The following JAKMIP3 variants were observed in gnomAD, a reference collection of about 807,000 sequenced individuals.
JAKMIP3 encodes the protein janus kinase and microtubule-interacting protein 3.
In JAKMIP3, 58 loss-of-function variants were observed where a neutral mutation model predicts 118.5. The observed-to-expected ratio is 0.49, with a 90% confidence interval of 0.40 to 0.61. The LOEUF (loss-of-function observed/expected upper bound fraction) is 0.61, where lower values mean the gene tolerates loss of function less well. Among genes scored for constraint, JAKMIP3 ranks in the 20% least tolerant of loss-of-function variants. The pLI, the probability that JAKMIP3 is intolerant of heterozygous loss-of-function variation, is 0.00. For synonymous variants in JAKMIP3, 486 were observed against 451.2 expected (o/e 1.08, Z -0.98); for missense variants, 950 against 1,109.0 (o/e 0.86, Z 2.04).
At chr10:132,154,821 C>A (rs56227733) in intron 19 of JAKMIP3, among the ~76,000 whole-genome samples, 20,172 of 121,406 alleles carry the variant, frequency 0.17, 1,531 homozygotes, top group South Asian at 0.27. Context: ...ATTGTGCTGG[C>A]AATGGCAATG....
intron 3 of JAKMIP3, among the ~76,000 whole-genome samples, chr10:132,119,261 C>T (rs1471478322): frequency 6.6e-6 from 1 of 152,084 alleles, no homozygotes; most frequent in Admixed American, 6.5e-5. Flanking sequence ...GTTCCCCGTT[C>T]TGTGGGTTAT....
intron 19 of JAKMIP3, among the ~76,000 whole-genome samples, chr10:132,155,141 ATGG>A (rs936058656): frequency 4.4e-5 from 6 of 137,562 alleles, no homozygotes; most frequent in Non-Finnish European, 9.5e-5. Flanking sequence ...TGGTGGTGAT[ATGG>A]TGGTGATGAT....
rs2061282471 is a variant in JAKMIP3 at position 132,180,772 on chromosome 10, T to TGTGC, written c.*1104-1582_*1104-1581insCGTG. Reference sequence around the variant, plus strand: ...GCGCGCGTGTGTGCGTGTGTGTGCGTGTGTGTGTGTGCGCGTATGCATGTG... The same window carrying TGTGC: ...GCGCGCGTGTGTGCGTGTGTGTGCGTGTGCGTGTGTGTGTGCGCGTATGCATGTG... On this transcript the variant is annotated intron_variant, in intron 23 of 23. Transcript: ENST00000684848. 1.6e-4 allele frequency among the ~76,000 whole-genome samples: 10 copies of TGTGC among 63,678 alleles called. 3 individuals carry two copies. The highest frequency in any genetic ancestry group is 2.9e-4 in the Non-Finnish European group (10 of 34,430). The allele number at this position is 63,678 out of a possible 152,430, so 41.8% of individuals were successfully genotyped here.
intron 1 of JAKMIP3, among the ~76,000 whole-genome samples, chr10:132,102,728 C>T (rs2045175698): frequency 6.6e-6 from 1 of 152,238 alleles, no homozygotes; most frequent in South Asian, 2.1e-4. Context: ...GTGGCCCTCC[C>T]ACCTGCCCGT....
intron 3 of JAKMIP3, among the ~76,000 whole-genome samples, chr10:132,132,546 G>A (rs887166186): frequency 6.9e-6 from 1 of 145,328 alleles, no homozygotes; most frequent in Non-Finnish European, 1.5e-5. Flanking sequence ...AAAGCGCCAC[G>A]TTGTAGGGAG....
chr10:132,127,721 GATGGGGTTATCCC>G (rs1026068309), intron 3 of JAKMIP3, among the ~76,000 whole-genome samples: 19 of 151,900 alleles, frequency 1.3e-4, no homozygotes, highest in African/African-American at 3.9e-4. Flanking sequence ...CCTTGCCTTG[GATGGGGTTATCCC>G]ATGGGGTTAT....
At chr10:132,145,051 G>C (rs2054330922) in intron 11 of JAKMIP3, 56 bp from the exon 12 acceptor site, 1 of 1,437,982 alleles carries the variant, frequency 7.0e-7, no homozygotes, top group Admixed American at 1.9e-5. Context: ...GAGTGTGTGT[G>C]CTGTCTGTCC....
In JAKMIP3 at chr10:132,117,464, G is replaced by A; in HGVS notation, c.523G>A (p.Val175Met). The stretch of plus-strand genomic sequence containing the variant: ...GCAGGTGGAGGAGGCGCTGACGCTG[G>A]TGATCCAAGCGGACAAGATCAAGGC... ...KRQVEEALTL[V>M]IQADKIKAAE... The change falls in exon 3 of 24, where the codon GTG (valine) becomes ATG (methionine). Residue 175 changes from valine to methionine, a missense_variant. By Grantham distance (21) the Val-to-Met change is conservative. Coordinates refer to ENST00000684848, the MANE Select transcript of JAKMIP3 (RefSeq NM_001323087.2). The surrounding 1 kb of genome is among the most constrained non-coding windows in gnomAD (Gnocchi z 8.6). 1.2e-6 allele frequency: 2 copies of A among 1,613,924 alleles called. No individual in the cohort carries two copies. Among genetic ancestry groups the A allele is most frequent in the Non-Finnish European group, 8.5e-7 (1 of 1,179,892 alleles).
intron 1 of JAKMIP3, among the ~76,000 whole-genome samples, chr10:132,083,910 A>C (rs1190044681): frequency 6.6e-6 from 1 of 152,186 alleles, no homozygotes; most frequent in Non-Finnish European, 1.5e-5. Context: ...TTTTTATGCC[A>C]GTACCACGCT....
chr10:132,135,206 G>T, intron 5 of JAKMIP3, 46 bp downstream of exon 5: 1 of 1,558,536 alleles, frequency 6.4e-7, no homozygotes, highest in Middle Eastern at 2.3e-4. Context: ...TTGTGACTGC[G>T]GAGCTGGGGA....
At chr10:132,063,049 C>T (rs1161281221), upstream of JAKMIP3, among the ~76,000 whole-genome samples, 1 of 152,186 alleles carries the variant, frequency 6.6e-6, no homozygotes, top group East Asian at 1.9e-4. Context: ...ACCGGGCCAG[C>T]AGGACGGGTG....
At chr10:132,177,122 C>T (rs1454986833) in intron 23 of JAKMIP3, among the ~76,000 whole-genome samples, 1 of 152,218 alleles carries the variant, frequency 6.6e-6, no homozygotes, top group East Asian at 1.9e-4. Flanking sequence ...TCTTTTCAGC[C>T]AGCAGCTTAC....
chr10:132,082,839 G>C (rs1053922528), intron 1 of JAKMIP3, among the ~76,000 whole-genome samples: 1 of 152,208 alleles, frequency 6.6e-6, no homozygotes, highest in Admixed American at 6.5e-5. Flanking sequence ...TCGATCTCTT[G>C]ACCTCGTGAT....
intron 23 of JAKMIP3, among the ~76,000 whole-genome samples, chr10:132,170,773 GCTC>G (rs2059416121): frequency 6.6e-6 from 1 of 152,208 alleles, no homozygotes. Context: ...GGTGGGCGCC[GCTC>G]CGCTCGGGGG....
In JAKMIP3 at chr10:132,117,079, C is replaced by G; in HGVS notation, c.138C>G (p.Val46=). ...QIELQQEKSK[V]SKVEREKNQE... The stretch of plus-strand genomic sequence containing the variant: ...TCAGTCTCGCTGTTGTCTTTCAGGT[C>G]AGCAAAGTGGAACGCGAGAAGAACC... The change falls in exon 3 of 24, where the codon GTC becomes GTG. Residue 46 remains valine, a splice_region_variant and synonymous_variant. Transcript: ENST00000684848. This position sits in a 1 kb window ranked among gnomAD's most constrained non-coding sequence, Gnocchi z 8.6. The G allele has an allele frequency of 6.2e-7, 1 of 1,604,106 alleles. No individual in the cohort carries two copies. The highest frequency in any genetic ancestry group is 8.5e-7 in the Non-Finnish European group (1 of 1,172,742).
At chr10:132,038,797 A>G (rs1296224523) in intron 1 of JAKMIP3, among the ~76,000 whole-genome samples, 3 of 151,330 alleles carry the variant, frequency 2.0e-5, no homozygotes, top group Non-Finnish European at 4.4e-5. Context: ...TCTCAAAAAA[A>G]AAAAAAAAAA....
upstream of JAKMIP3, among the ~76,000 whole-genome samples, chr10:132,063,475 T>G (rs2038478407): frequency 6.6e-6 from 1 of 152,204 alleles, no homozygotes; most frequent in Admixed American, 6.5e-5. Flanking sequence ...ATTCCTGTGT[T>G]TTCCAAATTC....
At chr10:132,065,377 G>C (rs1352351842), upstream of JAKMIP3, among the ~76,000 whole-genome samples, 1 of 152,126 alleles carries the variant, frequency 6.6e-6, no homozygotes, top group Non-Finnish European at 1.5e-5. The surrounding 1 kb of genome is among the most constrained non-coding windows in gnomAD (Gnocchi z 5.6). Context: ...TCAGTGTTGA[G>C]TGTGTGCAAA....
chr10:132,133,951 G>A (rs936606942), intron 4 of JAKMIP3, among the ~76,000 whole-genome samples: 4 of 152,190 alleles, frequency 2.6e-5, no homozygotes, highest in African/African-American at 9.7e-5. Flanking sequence ...CCTGCCCACC[G>A]CGTGCCCAGC....
Sources: gnomAD v4.1 joint callset for allele counts (sites outside exome capture counted in the v4.1 genomes callset) on GRCh38, gnomAD v4.1.1 for gene constraint, Gnocchi (gnomAD v3.1) non-coding constraint, MANE v1.5 for transcripts, NCBI Gene and HGNC (gene_info 2026-07-23, HGNC 2026-07-21) for gene names.